Variants in CHPT1 observed in about 807,000 individuals in gnomAD.
CHPT1 encodes the protein choline phosphotransferase 1.
In CHPT1, 36 loss-of-function variants were observed where a neutral mutation model predicts 47.6. The ratio of observed to expected loss-of-function variants is 0.76; its 90% CI spans 0.58 to 1.00. The LOEUF (loss-of-function observed/expected upper bound fraction) is 1.00. CHPT1 is among the 50% of genes least tolerant of loss of function. The probability of loss-of-function intolerance (pLI) is 0.00; values close to 1 mark genes in which losing one functional copy is unlikely to be tolerated. For missense variants in CHPT1, 458 were observed against 498.1 expected (o/e 0.92, Z 0.77); for synonymous variants, 194 against 186.3 (o/e 1.04, Z -0.33).
At chr12:101,702,772 A>G (rs1951572392) in intron 1 of CHPT1, among the ~76,000 whole-genome samples, 1 of 152,094 alleles carries the variant, frequency 6.6e-6, no homozygotes, top group South Asian at 2.1e-4. Context: ...GACTCTTGTA[A>G]GGGCGTGACC....
At chr12:101,702,779 G>A (rs2136999021) in intron 1 of CHPT1, among the ~76,000 whole-genome samples, 1 of 152,142 alleles carries the variant, frequency 6.6e-6, no homozygotes, top group African/African-American at 2.4e-5. Flanking sequence ...GTAAGGGCGT[G>A]ACCTCTCTCA....
At chr12:101,728,651 AAT>A (rs1395332015) in intron 8 of CHPT1, 26 of 400,782 alleles carry the variant, frequency 6.5e-5, no homozygotes, top group African/African-American at 1.8e-4. Context: ...CCAAACCTAA[AAT>A]TAAATCGTCT....
intron 1 of CHPT1, among the ~76,000 whole-genome samples, chr12:101,699,745 C>T (rs1951525922): frequency 6.6e-6 from 1 of 152,182 alleles, no homozygotes; most frequent in Non-Finnish European, 1.5e-5. Context: ...TATTCATTTA[C>T]ATATTACATA....
chr12:101,727,919 G>GGTGA (rs1488180510), intron 8 of CHPT1: 34 of 152,164 alleles, frequency 2.2e-4, no homozygotes, highest in African/African-American at 7.5e-4. Flanking sequence ...CTAAGATAAG[G>GGTGA]GTGAGTTATA....
At position 101,702,316 on chromosome 12, in the gene CHPT1, G is replaced by A. The variant is rs141638658; in HGVS notation, c.273+4182G>A. 5.1e-3 allele frequency among the ~76,000 whole-genome samples: 779 copies of A among 152,240 alleles called. 8 individuals are homozygous for A. The highest frequency in any genetic ancestry group is 3.7e-3 in the Non-Finnish European group (255 of 68,020). Reference sequence around the variant, plus strand: ...GATCTGTGCATATAAATCCATGTCAGTGTCTTTATTAAGAATATGTTTATG... The same window carrying A: ...GATCTGTGCATATAAATCCATGTCAATGTCTTTATTAAGAATATGTTTATG... On this transcript the variant is annotated intron_variant, in intron 1 of 8. Coordinates refer to ENST00000229266, the MANE Select transcript of CHPT1 (RefSeq NM_020244.3).
In CHPT1 at chr12:101,723,863, C is replaced by T; in HGVS notation, c.1065+16C>T. ...GATGGCAATGGTAAGTATTTTTCTCCATTTTATTTATTTTTTAACAATGCT... is the reference window on the plus strand; with the variant it reads ...GATGGCAATGGTAAGTATTTTTCTCTATTTTATTTATTTTTTAACAATGCT... On this transcript the variant is annotated intron_variant, in intron 7 of 8. Coordinates refer to ENST00000229266, the MANE Select transcript of CHPT1 (RefSeq NM_020244.3). 6.8e-7 allele frequency: 1 copy of T among 1,476,872 alleles called. No individual in the cohort carries two copies. Among genetic ancestry groups the T allele is most frequent in the Non-Finnish European group, 9.3e-7 (1 of 1,070,530 alleles). 91.5% of individuals were successfully genotyped at this position (1,476,872 alleles called of 1,614,324 possible). A position where few individuals can be genotyped will look rare whatever the true frequency, so the allele number is the denominator to read the frequency against.
At chr12:101,722,269 T>C (rs2137026434) in intron 5 of CHPT1, among the ~76,000 whole-genome samples, 1 of 152,214 alleles carries the variant, frequency 6.6e-6, no homozygotes, top group South Asian at 2.1e-4. Flanking sequence ...GTGTCATGTA[T>C]ATAATTTTAT....
rs545829198 is a variant in CHPT1, at chr12:101,712,533, A to G, written c.274-1557A>G. Among the ~76,000 whole-genome samples, 51 of 148,442 alleles carry G rather than the reference A, an allele frequency of 3.4e-4. 4 individuals are homozygous for G. Among genetic ancestry groups the G allele is most frequent in the Admixed American group, 1.0e-3 (15 of 14,568 alleles). Reference sequence around the variant, plus strand: ...TTTCTCTTTCTAAGACTCTAGTTACATATGTGCTAGACTGCTTTCTGTTGT... The same window carrying G: ...TTTCTCTTTCTAAGACTCTAGTTACGTATGTGCTAGACTGCTTTCTGTTGT... On this transcript the variant is annotated intron_variant, in intron 1 of 8. Transcript: ENST00000229266.
intron 1 of CHPT1, among the ~76,000 whole-genome samples, chr12:101,707,320 G>A (rs1389035484): frequency 2.6e-5 from 4 of 152,182 alleles, no homozygotes; most frequent in African/African-American, 9.7e-5. Context: ...ATGAAGGTGG[G>A]TGATTGAGAG....
chr12:101,712,890 T>C (rs1200209549), intron 1 of CHPT1, among the ~76,000 whole-genome samples: 1 of 148,832 alleles, frequency 6.7e-6, no homozygotes, highest in East Asian at 2.0e-4. Flanking sequence ...TCTGATTATA[T>C]GGATTTTACT....
intron 1 of CHPT1, 136 bp downstream of exon 1, chr12:101,698,270 G>A (rs1363020731): frequency 7.9e-7 from 1 of 1,272,346 alleles, no homozygotes; most frequent in Non-Finnish European, 1.0e-6. Flanking sequence ...CACTGCCCCG[G>A]GCGGTGTCCG....
chr12:101,721,364 C>T (rs1370228178), intron 5 of CHPT1, among the ~76,000 whole-genome samples: 1 of 151,644 alleles, frequency 6.6e-6, no homozygotes, highest in African/African-American at 2.4e-5. Context: ...TTGTATAGTT[C>T]AAAATTTCTA....
Position 101,723,149 on chromosome 12 carries a change from T to TTTC in CHPT1, c.781-17_781-15dup. The TTTC allele has an allele frequency of 6.2e-7, 1 of 1,604,658 alleles. No individual in the cohort carries two copies. Among genetic ancestry groups the TTTC allele is most frequent in the Non-Finnish European group, 8.5e-7 (1 of 1,173,654 alleles). Reference sequence around the variant, plus strand: ...TGCAGTGTTAAAATGTGATACTGATTTTCTGCTTTATCCCTTAGGGCACCA... The same window carrying TTTC: ...TGCAGTGTTAAAATGTGATACTGATTTTCTTCTGCTTTATCCCTTAGGGCACCA... On this transcript the variant is annotated intron_variant, in intron 5 of 8. Coordinates refer to ENST00000229266, the MANE Select transcript of CHPT1 (RefSeq NM_020244.3).
intron 8 of CHPT1, chr12:101,728,572 T>C (rs1952035337): frequency 4.9e-6 from 1 of 205,502 alleles, no homozygotes; most frequent in African/African-American, 2.3e-5. Flanking sequence ...TATTCCGTTT[T>C]TTCCTTAAAG....
At chr12:101,717,442 GT>G (rs1264377548) in intron 4 of CHPT1, 6 of 349,528 alleles carry the variant, frequency 1.7e-5, no homozygotes, top group Non-Finnish European at 2.3e-5. Flanking sequence ...TGCTCATAGT[GT>G]TAAGAATAAT....
chr12:101,727,296 T>G (rs1397498930), intron 8 of CHPT1: 1 of 152,148 alleles, frequency 6.6e-6, no homozygotes, highest in Non-Finnish European at 1.5e-5. Flanking sequence ...AAGTAAAAGT[T>G]ATTCAACCAC....
chr12:101,719,836 A>T (rs1397192711), intron 4 of CHPT1: 1 of 221,598 alleles, frequency 4.5e-6, no homozygotes, highest in Non-Finnish European at 8.8e-6. Context: ...CAGTTATCTC[A>T]ATTGATTGCT....
intron 4 of CHPT1, among the ~76,000 whole-genome samples, chr12:101,717,577 G>A (rs1951785040): frequency 6.6e-6 from 1 of 152,018 alleles, no homozygotes; most frequent in Admixed American, 6.6e-5. Flanking sequence ...GATATTATTA[G>A]TATTATGCTT....
In CHPT1 at chr12:101,703,592, A is replaced by G. The variant is rs377197546; in HGVS notation, c.273+5458A>G. ...TCTGGGTCGAAAGCAGTGAGCCCCTAGGGCCTTCCTCATTGGCTTGGCAGA... is the reference window on the plus strand; with the variant it reads ...TCTGGGTCGAAAGCAGTGAGCCCCTGGGGCCTTCCTCATTGGCTTGGCAGA... On this transcript the variant is annotated intron_variant, in intron 1 of 8. Coordinates refer to ENST00000229266, the MANE Select transcript of CHPT1 (RefSeq NM_020244.3). Among the ~76,000 whole-genome samples the G allele has an allele frequency of 9.7e-4, 147 of 152,322 alleles. 5 individuals carry two copies. In the South Asian group the frequency reaches 0.024, roughly 25 times the overall value.
Sources: gnomAD v4.1 joint callset for allele counts (sites outside exome capture counted in the v4.1 genomes callset) on GRCh38, gnomAD v4.1.1 for gene constraint, MANE v1.5 for transcripts, NCBI Gene and HGNC (gene_info 2026-07-23, HGNC 2026-07-21) for gene names.